Variants in DPP10 observed in about 807,000 individuals in gnomAD.
The protein encoded by DPP10 is dipeptidyl peptidase like 10.
In DPP10, 33 loss-of-function variants were observed where a neutral mutation model predicts 120.9. The observed-to-expected ratio is 0.27, with a 90% CI of 0.21 to 0.37. The LOEUF is 0.37. DPP10 is among the 10% of genes least tolerant of loss of function. The pLI is 1.00. For synonymous variants in DPP10, 337 were observed against 326.1 expected (o/e 1.03, Z -0.36); for missense variants, 816 against 942.8 (o/e 0.87, Z 1.76).
At chr2:115,028,906 G>A (rs56125909) in intron 1 of DPP10, among the ~76,000 whole-genome samples, 1 of 151,966 alleles carries the variant, frequency 6.6e-6, no homozygotes, top group Non-Finnish European at 1.5e-5. Flanking sequence ...CACTTTCACA[G>A]AATGGCTTCT....
intron 1 of DPP10, among the ~76,000 whole-genome samples, chr2:114,897,316 A>G (rs1306867374): frequency 6.6e-6 from 1 of 152,196 alleles, no homozygotes; most frequent in Non-Finnish European, 1.5e-5. Flanking sequence ...GAATGGTACC[A>G]GTTCCTCCTT....
intron 1 of DPP10, among the ~76,000 whole-genome samples, chr2:114,658,206 T>C (rs1393996759): frequency 6.6e-6 from 1 of 152,082 alleles, no homozygotes. Context: ...GAGACTACCA[T>C]TTGAGTTGAC....
At chr2:115,774,209 TACACACACAC>T (rs3069387) in intron 13 of DPP10, among the ~76,000 whole-genome samples, 25 of 147,636 alleles carry the variant, frequency 1.7e-4, no homozygotes, top group South Asian at 4.3e-4. Context: ...AAAACACACA[TACACACACAC>T]ACACACACAC....
chr2:114,639,541 A>G (rs747339274), intron 1 of DPP10, among the ~76,000 whole-genome samples: 2 of 151,858 alleles, frequency 1.3e-5, no homozygotes, highest in Admixed American at 6.6e-5. Flanking sequence ...AAAACTACTT[A>G]TTGAGTACTG....
intron 1 of DPP10, among the ~76,000 whole-genome samples, chr2:114,482,185 C>A (rs769746087): frequency 1.4e-4 from 21 of 152,024 alleles, no homozygotes; most frequent in Non-Finnish European, 2.6e-4. Context: ...TAGTTACAGA[C>A]TGTATAATTC....
At chr2:115,336,151 T>G (rs1042954205) in intron 2 of DPP10, among the ~76,000 whole-genome samples, 1 of 152,074 alleles carries the variant, frequency 6.6e-6, no homozygotes, top group Admixed American at 6.6e-5. Flanking sequence ...AACTTTCTTT[T>G]TTTTTCATCT....
chr2:115,512,064 T>C (rs185913367), intron 4 of DPP10, among the ~76,000 whole-genome samples: 21 of 151,034 alleles, frequency 1.4e-4, no homozygotes, highest in African/African-American at 4.9e-4. Context: ...CTCCCCTCTT[T>C]CCTTCCTTCC....
chr2:115,534,885 T>C (rs1198351251), intron 5 of DPP10, among the ~76,000 whole-genome samples: 1 of 152,104 alleles, frequency 6.6e-6, no homozygotes, highest in Non-Finnish European at 1.5e-5. Context: ...TTTTTTCATG[T>C]GTTTTTTGAC....
intron 13 of DPP10, among the ~76,000 whole-genome samples, chr2:115,770,231 T>G (rs1457877510): frequency 6.6e-6 from 1 of 152,024 alleles, no homozygotes; most frequent in Non-Finnish European, 1.5e-5. Flanking sequence ...ATGCAGGAAT[T>G]AAAATATTTA....
At chr2:115,705,404 C>A (rs1322315624) in intron 7 of DPP10, among the ~76,000 whole-genome samples, 1 of 151,728 alleles carries the variant, frequency 6.6e-6, no homozygotes, top group African/African-American at 2.4e-5. Flanking sequence ...TGTTTGTATG[C>A]ACACACACAC....
At chr2:115,039,001 G>A (rs1011890812) in intron 1 of DPP10, among the ~76,000 whole-genome samples, 2 of 152,168 alleles carry the variant, frequency 1.3e-5, no homozygotes, top group African/African-American at 4.8e-5. Flanking sequence ...AGGGTCAATG[G>A]AAGTATGGAA....
Position 115,309,344 on chromosome 2 carries a change from T to C in DPP10, c.166T>C (p.Leu56=). 6.2e-7 allele frequency: 1 copy of C among 1,613,204 alleles called. No individual in the cohort carries two copies. Among genetic ancestry groups the C allele is most frequent in the Non-Finnish European group, 8.5e-7 (1 of 1,179,348 alleles). ...ACTCATCACTATGTCAGTCATCCTC[T>C]TAACCCCAGGTAATCTGTCTTTATT... ...CSLITMSVIL[L]TPDELTNSSE... is the part of the protein sequence containing the mutation. The change falls in exon 2 of 26, where the codon TTA becomes CTA. Residue 56 remains leucine, a synonymous_variant. Coordinates refer to ENST00000410059, the MANE Select transcript of DPP10 (RefSeq NM_020868.6).
chr2:115,564,250 G>C lies in DPP10; in HGVS notation c.441+38278G>C, dbSNP rs1412767188. Among the ~76,000 whole-genome samples the C allele has an allele frequency of 5.4e-5, 7 of 130,720 alleles. No individual in the cohort carries two copies. The East Asian group carries it at 1.5e-3, about 28-fold the overall frequency. 85.8% of individuals were successfully genotyped at this position (130,720 alleles called of 152,430 possible). ...ATCATGTCTTTTTTTTTTTTTTTTGGTCTTAGTTTTTAAATGTTTTATTTT... is the reference window on the plus strand; with the variant it reads ...ATCATGTCTTTTTTTTTTTTTTTTGCTCTTAGTTTTTAAATGTTTTATTTT... On this transcript the variant is annotated intron_variant, in intron 5 of 25. Transcript: ENST00000410059.
intron 3 of DPP10, chr2:115,468,199 C>T (rs550563016): frequency 8.1e-6 from 4 of 494,948 alleles, no homozygotes; most frequent in Admixed American, 6.1e-5. Flanking sequence ...GCATCTATAT[C>T]CTAAATCTGA....
intron 3 of DPP10, among the ~76,000 whole-genome samples, chr2:115,471,682 G>GCTCAAGCGATCCTCTCAC (rs1398059846): frequency 6.6e-6 from 1 of 151,848 alleles, no homozygotes; most frequent in Admixed American, 6.6e-5. Flanking sequence ...TACCTCACTG[G>GCTCAAGCGATCCTCTCAC]CTCAAGCGAT....
At chr2:114,670,767 C>T (rs1008346606) in intron 1 of DPP10, among the ~76,000 whole-genome samples, 13 of 152,004 alleles carry the variant, frequency 8.6e-5, no homozygotes, top group African/African-American at 3.1e-4. Flanking sequence ...ATTTATATTT[C>T]AAGGGAAAAT....
At chr2:115,103,248 C>T (rs866304555) in intron 1 of DPP10, among the ~76,000 whole-genome samples, 19 of 138,308 alleles carry the variant, frequency 1.4e-4, no homozygotes, top group African/African-American at 4.1e-4. Context: ...AGTGCAGTGG[C>T]GCAATCTCGG....
chr2:115,537,304 G>A (rs188718922), intron 5 of DPP10, among the ~76,000 whole-genome samples: 285 of 152,034 alleles, frequency 1.9e-3, no homozygotes, highest in Middle Eastern at 0.014. Flanking sequence ...AGACAATAAA[G>A]CAACCTATTT....
At chr2:115,535,830 T>TGG (rs1304208614) in intron 5 of DPP10, among the ~76,000 whole-genome samples, 23 of 152,234 alleles carry the variant, frequency 1.5e-4, no homozygotes, top group African/African-American at 5.3e-4. Flanking sequence ...GTCCTTCACC[T>TGG]CCCTTGTAAG....
Sources: gnomAD v4.1 joint callset for allele counts (sites outside exome capture counted in the v4.1 genomes callset) on GRCh38, gnomAD v4.1.1 for gene constraint, MANE v1.5 for transcripts, NCBI Gene and HGNC (gene_info 2026-07-23, HGNC 2026-07-21) for gene names.